GPC3: variants seen among roughly 807,000 people sequenced by gnomAD.
GPC3 encodes the protein glypican 3.
GPC3 carries 3 observed loss-of-function variants against 34.4 expected under a neutral mutation model. The ratio of observed to expected loss-of-function variants is 0.09; its 90% CI spans 0.04 to 0.23. The LOEUF (loss-of-function observed/expected upper bound fraction) is 0.23, where lower values mean the gene tolerates loss of function less well. GPC3 is among the 10% of genes least tolerant of loss of function. The pLI, the probability that GPC3 is intolerant of heterozygous loss-of-function variation, is 1.00. For missense variants in GPC3, 351 were observed against 445.6 expected, an observed-to-expected ratio of 0.79 and a Z score of 1.91; for synonymous variants, 177 against 174.0, an observed-to-expected ratio of 1.02 and a Z score of -0.13.
At chrX:133,965,308 T>G in intron 1 of GPC3, among the ~76,000 whole-genome samples, 1 of 108,162 alleles carries the variant, frequency 9.2e-6, no homozygotes, top group African/African-American at 3.4e-5. Context: ...ACAGAAGGAG[T>G]AGTGGGGAGG....
intron 7 of GPC3, among the ~76,000 whole-genome samples, chrX:133,547,820 C>G (rs1231089576): frequency 7.2e-5 from 8 of 110,420 alleles, no homozygotes; most frequent in Non-Finnish European, 9.5e-5. Context: ...ATCACCACAC[C>G]AGGCTAATTT....
intron 7 of GPC3, among the ~76,000 whole-genome samples, chrX:133,584,688 AG>A (rs1441790237): frequency 9.0e-6 from 1 of 111,007 alleles, no homozygotes; most frequent in Admixed American, 9.6e-5. Context: ...CATGTTGCTC[AG>A]GCTAGTCTTG....
intron 6 of GPC3, among the ~76,000 whole-genome samples, chrX:133,605,976 T>G (rs767059781): frequency 1.8e-5 from 2 of 112,231 alleles, no homozygotes; most frequent in South Asian, 7.5e-4. Flanking sequence ...CATATGTTCT[T>G]GCCTGGGCCT....
At chrX:133,804,504 C>T (rs2075626622) in intron 2 of GPC3, among the ~76,000 whole-genome samples, 1 of 110,639 alleles carries the variant, frequency 9.0e-6, no homozygotes, top group Non-Finnish European at 1.9e-5. Context: ...TCCAGACAAG[C>T]CCATAGGGTG....
chrX:133,731,624 C>T (rs2071463261), intron 3 of GPC3, among the ~76,000 whole-genome samples: 1 of 110,219 alleles, frequency 9.1e-6, no homozygotes, highest in Non-Finnish European at 1.9e-5. Flanking sequence ...TACAAAAGTA[C>T]CCACTTAGTA....
chrX:133,676,137 C>T (rs919188558), intron 5 of GPC3, among the ~76,000 whole-genome samples: 3 of 112,140 alleles, frequency 2.7e-5, no homozygotes, highest in African/African-American at 3.2e-5. Flanking sequence ...GGGGGGCTGC[C>T]GTGGTTGCTG....
intron 7 of GPC3, among the ~76,000 whole-genome samples, chrX:133,584,909 CA>C (rs1247073340): frequency 1.1e-5 from 1 of 91,461 alleles, no homozygotes; most frequent in Non-Finnish European, 2.1e-5. Flanking sequence ...ATCAGACATT[CA>C]CATTAGGATT....
At chrX:133,932,407 T>A (rs2076302500) in intron 2 of GPC3, among the ~76,000 whole-genome samples, 1 of 111,923 alleles carries the variant, frequency 8.9e-6, no homozygotes, top group African/African-American at 3.2e-5. Context: ...TCAAAATAAC[T>A]ATGTTTGAGA....
At chrX:133,914,484 G>A (rs771031518) in intron 2 of GPC3, among the ~76,000 whole-genome samples, 3 of 110,737 alleles carry the variant, frequency 2.7e-5, no homozygotes, top group Middle Eastern at 4.7e-3. Context: ...TAGACTGCTC[G>A]GTTTGCAACT....
At chrX:133,625,917 C>T (rs1354091330) in intron 6 of GPC3, among the ~76,000 whole-genome samples, 8 of 100,399 alleles carry the variant, frequency 8.0e-5, no homozygotes, top group African/African-American at 1.1e-4. Flanking sequence ...TCAAACTATA[C>T]TACAAGGCTA....
At chrX:133,623,604 G>C (rs1452898641) in intron 6 of GPC3, among the ~76,000 whole-genome samples, 1 of 111,935 alleles carries the variant, frequency 8.9e-6, no homozygotes, top group East Asian at 2.8e-4. Flanking sequence ...AACAAGAAGA[G>C]CTAACTATCC....
Position 133,660,555 on chromosome X carries a change from A to C in GPC3, c.1413+1175T>G, listed in dbSNP as rs149919864. ...AGGGAATCTGTGGGTGTCTCTGTGCATGGCAGTGAGTCAGAAGCTGGCAAG... is the reference window on the plus strand; with the variant it reads ...AGGGAATCTGTGGGTGTCTCTGTGCCTGGCAGTGAGTCAGAAGCTGGCAAG... On this transcript the variant is annotated intron_variant, in intron 6 of 7. Coordinates refer to ENST00000370818, the MANE Select transcript of GPC3 (RefSeq NM_004484.4). Among the ~76,000 whole-genome samples the C allele has an allele frequency of 5.4e-3, 611 of 112,245 alleles. 6 individuals carry two copies. The highest frequency in any genetic ancestry group is 0.018 in the African/African-American group (571 of 30,878).
At chrX:133,537,212 A>G (rs191998276) in intron 7 of GPC3, among the ~76,000 whole-genome samples, 6 of 112,196 alleles carry the variant, frequency 5.3e-5, no homozygotes, top group Non-Finnish European at 1.1e-4. Context: ...TTCCAGATTT[A>G]GAGATCAAAT....
At chrX:133,567,002 C>T (rs2069587087) in intron 7 of GPC3, among the ~76,000 whole-genome samples, 1 of 112,050 alleles carries the variant, frequency 8.9e-6, no homozygotes, top group African/African-American at 3.2e-5. Flanking sequence ...TTCCAAACTT[C>T]ATTGACCCTC....
At chrX:133,944,734 AAAGAT>A (rs1365174908) in intron 2 of GPC3, among the ~76,000 whole-genome samples, 12 of 112,743 alleles carry the variant, frequency 1.1e-4, no homozygotes, top group African/African-American at 3.5e-4. Flanking sequence ...ACTGCAAAGC[AAAGAT>A]ATTATATTTC....
chrX:133,622,092 TGACTGTTAGAAGGA>T (rs2070240153), intron 6 of GPC3, among the ~76,000 whole-genome samples: 2 of 112,304 alleles, frequency 1.8e-5, no homozygotes, highest in Admixed American at 1.9e-4. Context: ...CTGAGGTTTC[TGACTGTTAGAAGGA>T]AAACTCACAA....
intron 4 of GPC3, among the ~76,000 whole-genome samples, chrX:133,698,259 G>A (rs936134987): frequency 1.1e-4 from 12 of 111,837 alleles, no homozygotes; most frequent in Non-Finnish European, 7.5e-5. Flanking sequence ...GTGAAGATCT[G>A]ATTTCTTCTA....
intron 3 of GPC3, among the ~76,000 whole-genome samples, chrX:133,739,618 G>T (rs1039972174): frequency 2.6e-4 from 29 of 111,063 alleles, no homozygotes; most frequent in African/African-American, 9.2e-4. Context: ...GGCTGAGGTG[G>T]GAGGATCACT....
intron 6 of GPC3, among the ~76,000 whole-genome samples, chrX:133,652,710 A>G (rs1273118836): frequency 8.9e-6 from 1 of 111,970 alleles, no homozygotes; most frequent in Non-Finnish European, 1.9e-5. Flanking sequence ...ATAAATCTAC[A>G]GTTGAACACT....
Sources: gnomAD v4.1 joint callset for allele counts (sites outside exome capture counted in the v4.1 genomes callset) on GRCh38, gnomAD v4.1.1 for gene constraint, MANE v1.5 for transcripts, NCBI Gene and HGNC (gene_info 2026-07-23, HGNC 2026-07-21) for gene names.